The following TOGARAM1 variants were observed in gnomAD, a reference collection of about 807,000 sequenced individuals.
The protein encoded by TOGARAM1 is TOG array regulator of axonemal microtubules protein 1.
TOGARAM1 carries 100 observed loss-of-function variants against 166.6 expected under a neutral mutation model. The ratio of observed to expected loss-of-function variants is 0.60; its 90% CI spans 0.51 to 0.71. TOGARAM1 has a LOEUF of 0.71. Ranked by LOEUF, TOGARAM1 falls within the 30% of genes least tolerant of loss-of-function variation. The pLI is 0.00. For missense variants in TOGARAM1, 2,029 were observed against 2,102.7 expected (o/e 0.96, Z 0.69); for synonymous variants, 758 against 763.8 (o/e 0.99, Z 0.13).
Position 44,962,970 on chromosome 14 carries a change from A to G in TOGARAM1, c.549A>G (p.Gln183=), listed in dbSNP as rs112959037. The change falls in exon 1 of 20, where the codon CAA becomes CAG. Residue 183 remains glutamine (Q), a synonymous_variant. Coordinates refer to ENST00000361462, the MANE Select transcript of TOGARAM1 (RefSeq NM_001308120.2). ...EEAFSLALLP[Q]LVVSLREENP... is the part of the protein sequence containing the mutation. ...CCTTTAGCTTAGCACTTTTGCCTCA[A>G]CTAGTTGTCTCGTTACGGGAAGAGA... The G allele has an allele frequency of 5.5e-5, 88 of 1,614,204 alleles. 3 individuals carry two copies. The highest frequency in any genetic ancestry group is 3.5e-4 in the African/African-American group (26 of 75,056).
At chr14:44,964,952 A>G (rs538029833) in intron 1 of TOGARAM1, among the ~76,000 whole-genome samples, 85 of 5,594 alleles carry the variant, frequency 0.015, no homozygotes, top group African/African-American at 0.11. Context: ...CTAGAAAAGT[A>G]AAAAAAAAAA....
At chr14:44,985,670 G>A (rs189423169) in intron 1 of TOGARAM1, among the ~76,000 whole-genome samples, 2 of 152,312 alleles carry the variant, frequency 1.3e-5, no homozygotes, top group African/African-American at 4.8e-5. Flanking sequence ...TTGAAGCTTT[G>A]CTCCCTTGCC....
At chr14:45,017,286 A>G (rs1456332069) in intron 7 of TOGARAM1, among the ~76,000 whole-genome samples, 1 of 152,070 alleles carries the variant, frequency 6.6e-6, no homozygotes, top group Non-Finnish European at 1.5e-5. Flanking sequence ...AAGGCTTTGT[A>G]TATGATTTTT....
intron 1 of TOGARAM1, among the ~76,000 whole-genome samples, chr14:44,984,708 A>G (rs1886699997): frequency 6.6e-6 from 1 of 151,968 alleles, no homozygotes; most frequent in African/African-American, 2.4e-5. Context: ...CCAGGAGTTC[A>G]GGTGTGCAGT....
At chr14:44,978,556 A>G (rs10136855) in intron 1 of TOGARAM1, among the ~76,000 whole-genome samples, 23,955 of 151,960 alleles carry the variant, frequency 0.16, 3,485 homozygotes, top group African/African-American at 0.39. Flanking sequence ...TGTAATCCCA[A>G]CACTTTGGGA....
intron 7 of TOGARAM1, among the ~76,000 whole-genome samples, chr14:45,015,543 T>C (rs749171185): frequency 2.4e-4 from 37 of 151,520 alleles, no homozygotes; most frequent in Admixed American, 9.2e-4. Flanking sequence ...AAAATTTTTG[T>C]TATTCATTAG....
At chr14:45,047,661 A>G (rs1032871120) in intron 14 of TOGARAM1, among the ~76,000 whole-genome samples, 3 of 152,138 alleles carry the variant, frequency 2.0e-5, no homozygotes, top group African/African-American at 7.2e-5. Flanking sequence ...TCCTTAAGCA[A>G]GTTACTTAAT....
intron 6 of TOGARAM1, among the ~76,000 whole-genome samples, chr14:45,011,673 A>G (rs968418115): frequency 4.6e-5 from 7 of 151,798 alleles, no homozygotes; most frequent in African/African-American, 1.7e-4. Flanking sequence ...GGGATTATAC[A>G]GTATAAGTCA....
chr14:44,970,013 A>G (rs528712252), intron 1 of TOGARAM1, among the ~76,000 whole-genome samples: 1 of 151,570 alleles, frequency 6.6e-6, no homozygotes, highest in East Asian at 1.9e-4. Context: ...TGTTGAGTTC[A>G]CTCTTCTGGG....
At chr14:44,970,094 A>G (rs1263160205) in intron 1 of TOGARAM1, among the ~76,000 whole-genome samples, 1 of 152,138 alleles carries the variant, frequency 6.6e-6, no homozygotes, top group African/African-American at 2.4e-5. Context: ...TGAGAGTTTG[A>G]TTGGGATTGC....
chr14:45,062,237 T>C (rs1316817859), intron 16 of TOGARAM1, among the ~76,000 whole-genome samples: 1 of 152,142 alleles, frequency 6.6e-6, no homozygotes, highest in Admixed American at 6.6e-5. Context: ...CCCCAATGTA[T>C]TTGTGGATTT....
At chr14:45,010,179 A>AATAATAATG (rs367875784) in intron 6 of TOGARAM1, among the ~76,000 whole-genome samples, 9,076 of 152,288 alleles carry the variant, frequency 0.06, 680 homozygotes, top group African/African-American at 0.18. Context: ...TGTTCTAAAT[A>AATAATAATG]GATCATAATG....
intron 7 of TOGARAM1, among the ~76,000 whole-genome samples, chr14:45,019,000 G>A (rs370331622): frequency 2.0e-5 from 3 of 151,972 alleles, no homozygotes; most frequent in Non-Finnish European, 4.4e-5. Context: ...CATCACATTC[G>A]CACATCCAAA....
Position 45,052,532 on chromosome 14 carries a change from T to C in TOGARAM1, c.4410T>C (p.Ile1470=). Reference sequence around the variant, plus strand: ...TCCCATCTAAAGATTTGCCATATATTAAGGACTCTGTTAGAAACTTACAGC... The same window carrying C: ...TCCCATCTAAAGATTTGCCATATATCAAGGACTCTGTTAGAAACTTACAGC... ...KYVPSKDLPY[I]KDSVRNLQQK... is the part of the protein sequence containing the mutation. The change falls in exon 15 of 20, where the codon ATT becomes ATC. Residue 1470 remains isoleucine (I), a synonymous_variant. Coordinates refer to ENST00000361462, the MANE Select transcript of TOGARAM1 (RefSeq NM_001308120.2). 1 of 1,609,528 alleles carries C rather than the reference T, an allele frequency of 6.2e-7. No homozygotes were observed. The highest frequency in any genetic ancestry group is 8.5e-7 in the Non-Finnish European group (1 of 1,177,400).
chr14:45,056,626 A>G (rs1882651576), intron 16 of TOGARAM1, among the ~76,000 whole-genome samples: 1 of 152,000 alleles, frequency 6.6e-6, no homozygotes, highest in South Asian at 2.1e-4. Flanking sequence ...AGATAATCAT[A>G]TGGTTTTTGT....
intron 17 of TOGARAM1, 44 bp downstream of exon 17, chr14:45,066,811 C>T (rs372499059): frequency 2.7e-5 from 41 of 1,530,108 alleles, no homozygotes; most frequent in South Asian, 4.9e-5. Flanking sequence ...TATGGTGGCT[C>T]ACGCCTGTAA....
chr14:45,038,541 A>G (rs1021224711), intron 11 of TOGARAM1, among the ~76,000 whole-genome samples: 1 of 152,156 alleles, frequency 6.6e-6, no homozygotes, highest in Non-Finnish European at 1.5e-5. Context: ...CAGACATACC[A>G]CAAGCAGCTT....
chr14:45,028,363 T>C lies in TOGARAM1; in HGVS notation c.3658+34T>C, dbSNP rs555799826. 2.1e-4 allele frequency: 336 copies of C among 1,568,808 alleles called. 4 individuals carry two copies. In the South Asian group the frequency reaches 3.8e-3, roughly 18 times the overall value. On this transcript the variant is annotated intron_variant, in intron 10 of 19. Coordinates refer to ENST00000361462, the MANE Select transcript of TOGARAM1 (RefSeq NM_001308120.2). ...AATTTAAGTTTTGGTATTTTTTTTTTCTAGTAATTGTCTAAAGCTGGTGAA... is the reference window on the plus strand; with the variant it reads ...AATTTAAGTTTTGGTATTTTTTTTTCCTAGTAATTGTCTAAAGCTGGTGAA...
intron 1 of TOGARAM1, among the ~76,000 whole-genome samples, chr14:44,977,109 A>C (rs1159237323): frequency 6.6e-6 from 1 of 152,106 alleles, no homozygotes; most frequent in Non-Finnish European, 1.5e-5. Flanking sequence ...AAAATTAATC[A>C]ATGTAGCTAT....
Sources: allele counts gnomAD v4.1 joint callset (sites outside exome capture counted in the v4.1 genomes callset), GRCh38; gene constraint gnomAD v4.1.1; transcripts MANE v1.5; gene names NCBI Gene and HGNC (gene_info 2026-07-23, HGNC 2026-07-21).